The following CPNE7 variants were observed in gnomAD, a reference collection of about 807,000 sequenced individuals.
CPNE7 encodes copine 7.
CPNE7 carries 78 observed loss-of-function variants against 66.5 expected under a neutral mutation model. The observed-to-expected ratio is 1.17, with a 90% confidence interval of 0.98 to 1.42. The LOEUF is 1.42. Among genes scored for constraint, CPNE7 ranks in the 40% most tolerant of loss-of-function variants. The pLI, the probability that CPNE7 is intolerant of heterozygous loss-of-function variation, is 0.00. For missense variants in CPNE7, 1,012 were observed against 776.6 expected (o/e 1.30, Z -3.60); for synonymous variants, 468 against 336.7 (o/e 1.39, Z -4.27).
rs773734462 is a variant in CPNE7 at position 89,585,678 on chromosome 16, G to A, written c.682-9G>A. ...AGACAGCAGTGCTGAGGAGGACTGG[G>A]CTCCCCAGTGCCTGGTCTGGGATTA... On this transcript the variant is annotated splice_polypyrimidine_tract_variant and intron_variant, in intron 6 of 14. Transcript: ENST00000319518. 6.4e-7 allele frequency: 1 copy of A among 1,552,754 alleles called. No individual in the cohort carries two copies. Among genetic ancestry groups the A allele is most frequent in the South Asian group, 1.2e-5 (1 of 84,936 alleles).
In CPNE7 at chr16:89,588,703, G is replaced by A. The variant is rs557505458; in HGVS notation, c.956G>A (p.Gly319Glu). 12 of 1,613,388 alleles carry A rather than the reference G, an allele frequency of 7.4e-6. No individual in the cohort carries two copies. Among genetic ancestry groups the A allele is most frequent in the South Asian group, 1.1e-5 (1 of 91,086 alleles). The change falls in exon 10 of 15, where the codon GGA becomes GAA. Residue 319 changes from glycine to glutamate, a missense_variant. By Grantham distance (98) the Gly-to-Glu change is moderately conservative. Transcript: ENST00000319518. ...TVAIDFTASN[G>E]DPRNSCSLHY... ...GCCATTGACTTCACCGCCTCCAATGGAGACCCGCGGAACAGCTGCTCCCTG... is the reference window on the plus strand; with the variant it reads ...GCCATTGACTTCACCGCCTCCAATGAAGACCCGCGGAACAGCTGCTCCCTG...
At chr16:89,577,088 C>A (rs1206354166) in intron 1 of CPNE7, among the ~76,000 whole-genome samples, 5 of 152,158 alleles carry the variant, frequency 3.3e-5, no homozygotes, top group Non-Finnish European at 7.4e-5. Flanking sequence ...CCAGCTGGGT[C>A]TTGTCCTTAC....
chr16:89,583,969 C>A, intron 3 of CPNE7, 59 bp from the exon 4 acceptor site: 1 of 1,588,368 alleles, frequency 6.3e-7, no homozygotes. Flanking sequence ...CCTCTGGTCC[C>A]CCACGGTGGG....
chr16:89,589,289 C>G (rs1362150703), intron 10 of CPNE7, among the ~76,000 whole-genome samples: 1 of 152,086 alleles, frequency 6.6e-6, no homozygotes, highest in African/African-American at 2.4e-5. Context: ...AAGACTCCGT[C>G]TCAAAAAAAA....
chr16:89,582,052 C>T (rs955885700), intron 2 of CPNE7, among the ~76,000 whole-genome samples: 1 of 152,230 alleles, frequency 6.6e-6, no homozygotes, highest in South Asian at 2.1e-4. Flanking sequence ...TGGACACCTG[C>T]GTGCAGATAT....
At position 89,596,511 on chromosome 16, in the gene CPNE7, G is replaced by A. The variant is rs746773328; in HGVS notation, c.1567G>A (p.Val523Met). The A allele has an allele frequency of 1.1e-5, 18 of 1,609,754 alleles. No homozygotes were observed. The highest frequency in any genetic ancestry group is 1.6e-4 in the Middle Eastern group (1 of 6,074). The change falls in exon 15 of 15, where the codon GTG becomes ATG. Residue 523 changes from valine to methionine, a missense_variant. Val to Met is a conservative substitution (Grantham distance 21, BLOSUM62 1). Transcript: ENST00000319518. The part of the protein sequence containing the change: ...NASPAALAKC[V>M]LAEVPKQVVE... ...ATCCCCTGCGGCGCTGGCCAAGTGC[G>A]TGCTGGCCGAGGTCCCGAAGCAGGT...
chr16:89,588,576 C>T (rs907902692), intron 9 of CPNE7, 99 bp from the exon 10 acceptor site: 48 of 1,507,334 alleles, frequency 3.2e-5, no homozygotes, highest in African/African-American at 8.2e-5. Context: ...GACCCCTGAC[C>T]CTGAGTCCTG....
intron 14 of CPNE7, chr16:89,595,989 GCA>G: frequency 4.1e-6 from 2 of 493,342 alleles, no homozygotes; most frequent in East Asian, 5.5e-5. Context: ...GAGACGCACA[GCA>G]CACACGTGAG....
chr16:89,588,619 G>A, intron 9 of CPNE7, 56 bp from the exon 10 acceptor site: 1 of 1,606,016 alleles, frequency 6.2e-7, no homozygotes, highest in Non-Finnish European at 8.5e-7. Flanking sequence ...TACCTGTCAG[G>A]AGCGGGTTCG....
intron 10 of CPNE7, among the ~76,000 whole-genome samples, 196 bp from the exon 11 acceptor site, chr16:89,589,701 C>A (rs1567963539): frequency 1.3e-5 from 2 of 152,162 alleles, no homozygotes; most frequent in African/African-American, 4.8e-5. Flanking sequence ...GCGGCAGGAC[C>A]GTGTCCCCTT....
chr16:89,590,067 A>G, intron 11 of CPNE7, 116 bp downstream of exon 11: 2 of 1,220,264 alleles, frequency 1.6e-6, no homozygotes. Flanking sequence ...AGACTGTAGG[A>G]TGGGATTGGG....
rs748535669 is a variant in CPNE7 at position 89,585,656 on chromosome 16, C to T, written c.682-31C>T. The T allele has an allele frequency of 3.2e-6, 5 of 1,553,346 alleles. No individual in the cohort carries two copies. In the South Asian group the frequency reaches 5.8e-5, roughly 18 times the overall value. On this transcript the variant is annotated intron_variant, in intron 6 of 14. Coordinates refer to ENST00000319518, the MANE Select transcript of CPNE7 (RefSeq NM_153636.3). ...GTGGGAGGGTCCTGGGGCCCCCAGA[C>T]AGCAGTGCTGAGGAGGACTGGGCTC...
rs2059259586 is a variant in CPNE7, at chr16:89,596,566, C to G, written c.1622C>G (p.Pro541Arg). ...VVEYYSHRGL[P>R]PRSLGVPAGE... Reference sequence around the variant, plus strand: ...GAGTACTACAGCCACAGAGGCCTGCCCCCGAGAAGCCTGGGTGTCCCTGCC... The same window carrying G: ...GAGTACTACAGCCACAGAGGCCTGCGCCCGAGAAGCCTGGGTGTCCCTGCC... Residue 541 changes from proline to arginine, a missense_variant, in exon 15 of 15, where the codon CCC becomes CGC. Physicochemically the swap from Pro to Arg is moderately radical, Grantham distance 103 (BLOSUM62 -2). Transcript: ENST00000319518. The G allele has an allele frequency of 1.6e-5, 26 of 1,608,976 alleles. No individual in the cohort carries two copies. Among genetic ancestry groups the G allele is most frequent in the Non-Finnish European group, 2.2e-5 (26 of 1,179,772 alleles).
intron 9 of CPNE7, chr16:89,587,525 G>A (rs1272360176): frequency 1.5e-5 from 7 of 452,990 alleles, no homozygotes; most frequent in Admixed American, 2.4e-5. Flanking sequence ...CATCACCAGG[G>A]CTTACCTTCC....
rs138163703 is a variant in CPNE7, at chr16:89,576,913, G to A, written c.175-626G>A. Among the ~76,000 whole-genome samples, 813 of 152,246 alleles carry A rather than the reference G, an allele frequency of 5.3e-3. 9 individuals carry two copies. Among genetic ancestry groups the A allele is most frequent in the African/African-American group, 0.019 (785 of 41,556 alleles). ...TTCCGGCTGCCCCCGGAGGCCCCGT[G>A]CCCGCCCCTCACAGCCTGAGCCCAC... On this transcript the variant is annotated intron_variant, in intron 1 of 14. Transcript: ENST00000319518.
At chr16:89,591,916 G>T (rs142546994) in intron 13 of CPNE7, among the ~76,000 whole-genome samples, 11 of 151,760 alleles carry the variant, frequency 7.2e-5, no homozygotes, top group African/African-American at 2.7e-4. Flanking sequence ...GGCCAAGCTG[G>T]TCTCAAACTC....
chr16:89,585,380 G>C, intron 5 of CPNE7, 84 bp from the exon 6 acceptor site: 1 of 962,004 alleles, frequency 1.0e-6, no homozygotes. Context: ...CCGCCTCACA[G>C]CTGCTCTTCC....
At chr16:89,581,322 A>T (rs908135345) in intron 2 of CPNE7, among the ~76,000 whole-genome samples, 1 of 151,388 alleles carries the variant, frequency 6.6e-6, no homozygotes, top group Non-Finnish European at 1.5e-5. Flanking sequence ...CACACGGAAC[A>T]TCCCATCACC....
At chr16:89,583,652 G>A (rs12931740) in intron 2 of CPNE7, 45 bp from the exon 3 acceptor site, 34 of 1,611,260 alleles carry the variant, frequency 2.1e-5, no homozygotes, top group Non-Finnish European at 2.9e-5. Context: ...AGGGTCAGGA[G>A]CCGTCCCCGC....
Sources: allele counts gnomAD v4.1 joint callset (sites outside exome capture counted in the v4.1 genomes callset), GRCh38; gene constraint gnomAD v4.1.1; transcripts MANE v1.5; gene names NCBI Gene and HGNC (gene_info 2026-07-23, HGNC 2026-07-21).